SNX29: variants seen among roughly 807,000 people sequenced by gnomAD.
SNX29 encodes the protein sorting nexin-29.
A neutral mutation model predicts 102.1 loss-of-function variants in SNX29; 78 were observed. The ratio of observed to expected loss-of-function variants is 0.76; its 90% CI spans 0.64 to 0.92. The LOEUF (loss-of-function observed/expected upper bound fraction) is 0.92, where lower values mean the gene tolerates loss of function less well. SNX29 is among the 40% of genes least tolerant of loss of function. SNX29 has a pLI of 0.00. For synonymous variants in SNX29, 580 were observed against 414.5 expected, an observed-to-expected ratio of 1.40 and a Z score of -4.85; for missense variants, 1,280 against 1,061.7, an observed-to-expected ratio of 1.21 and a Z score of -2.86.
chr16:12,138,324 C>G (rs1317405028), intron 13 of SNX29, among the ~76,000 whole-genome samples: 1 of 151,226 alleles, frequency 6.6e-6, no homozygotes, highest in Non-Finnish European at 1.5e-5. Flanking sequence ...TCTCCTGCCT[C>G]AGCCTCCTGA....
At chr16:12,434,074 A>G (rs1567558743) in intron 18 of SNX29, among the ~76,000 whole-genome samples, 3 of 152,118 alleles carry the variant, frequency 2.0e-5, no homozygotes, top group South Asian at 2.1e-4. Flanking sequence ...TTGATGGGCA[A>G]GTTTACTGGG....
chr16:12,311,493 G>A (rs1024224894), intron 15 of SNX29, among the ~76,000 whole-genome samples: 5 of 152,204 alleles, frequency 3.3e-5, no homozygotes, highest in South Asian at 2.1e-4. Flanking sequence ...CATGCTGGCC[G>A]CCTCCCATTT....
At chr16:12,501,370 C>T (rs191648237) in intron 19 of SNX29, among the ~76,000 whole-genome samples, 7 of 152,128 alleles carry the variant, frequency 4.6e-5, no homozygotes, top group Admixed American at 2.0e-4. Context: ...CACCACTACA[C>T]TCCAGCCTGG....
rs971732569 is a variant in SNX29, at chr16:12,546,162, T to G, written c.2318+21321T>G. 2.6e-5 allele frequency: 4 copies of G among 152,098 alleles called. No individual in the cohort carries two copies. In the East Asian group the frequency reaches 7.7e-4, roughly 29 times the overall value. 9.4% of individuals were successfully genotyped at this position (152,098 alleles called of 1,614,324 possible). On this transcript the variant is annotated intron_variant, in intron 20 of 20. Transcript: ENST00000566228. The stretch of plus-strand genomic sequence containing the variant: ...AGCTAATAACCTCCACCTGGTAACA[T>G]AGGGATGGGCACTGGTGCAGGGAAT...
At chr16:12,002,132 T>C (rs2151022434) in intron 2 of SNX29, among the ~76,000 whole-genome samples, 1 of 152,192 alleles carries the variant, frequency 6.6e-6, no homozygotes, top group Admixed American at 6.6e-5. Context: ...GTTATCTATA[T>C]TTTAATTTTA....
At chr16:12,545,454 G>C (rs1358775198) in intron 20 of SNX29, 1 of 152,234 alleles carries the variant, frequency 6.6e-6, no homozygotes, top group African/African-American at 2.4e-5. Context: ...AGGGCTTGTG[G>C]ACGGATAGGA....
At chr16:12,311,369 C>A (rs2080539147) in intron 15 of SNX29, among the ~76,000 whole-genome samples, 1 of 152,194 alleles carries the variant, frequency 6.6e-6, no homozygotes, top group South Asian at 2.1e-4. Context: ...TATTTGCACC[C>A]CTGTCCAGGT....
chr16:12,318,196 C>T lies in SNX29; in HGVS notation c.1783-37967C>T, dbSNP rs145266838. 3.9e-5 allele frequency among the ~76,000 whole-genome samples: 6 copies of T among 152,336 alleles called. No individual in the cohort carries two copies. The East Asian group carries it at 1.2e-3, about 29-fold the overall frequency. ...CCAGGATTGAAATTCACATCTTGCT[C>T]CGAGCTCATGCACACCTGGGAGCCT... On this transcript the variant is annotated intron_variant, in intron 15 of 20. Coordinates refer to ENST00000566228, the MANE Select transcript of SNX29 (RefSeq NM_032167.5).
intron 13 of SNX29, among the ~76,000 whole-genome samples, chr16:12,153,968 C>T (rs1344595766): frequency 6.6e-6 from 1 of 152,174 alleles, no homozygotes; most frequent in African/African-American, 2.4e-5. Context: ...ACGGTGTCCT[C>T]CCGCTTTGAA....
intron 18 of SNX29, among the ~76,000 whole-genome samples, chr16:12,449,383 G>C (rs187989883): frequency 6.6e-6 from 1 of 152,088 alleles, no homozygotes; most frequent in East Asian, 1.9e-4. Flanking sequence ...CAAGGACAGG[G>C]ATCATGGCAT....
chr16:11,988,839 A>T (rs2055733566), intron 1 of SNX29, among the ~76,000 whole-genome samples: 1 of 152,136 alleles, frequency 6.6e-6, no homozygotes, highest in Non-Finnish European at 1.5e-5. Context: ...TTTCTATTCA[A>T]TTACTGTTAT....
intron 19 of SNX29, among the ~76,000 whole-genome samples, chr16:12,479,816 G>A (rs1009234686): frequency 2.6e-5 from 4 of 152,074 alleles, no homozygotes; most frequent in Non-Finnish European, 5.9e-5. Context: ...GCTTCTTCAC[G>A]GAATCTGCCT....
At chr16:12,357,053 C>T (rs1455813427) in intron 16 of SNX29, among the ~76,000 whole-genome samples, 1 of 152,214 alleles carries the variant, frequency 6.6e-6, no homozygotes, top group Non-Finnish European at 1.5e-5. Context: ...AGGATGTCTC[C>T]AGTATTTTGC....
chr16:12,551,872 C>T (rs1020242671), intron 20 of SNX29, among the ~76,000 whole-genome samples: 1 of 152,194 alleles, frequency 6.6e-6, no homozygotes, highest in Non-Finnish European at 1.5e-5. Flanking sequence ...GGTGATATTT[C>T]TAGCCTGTCT....
chr16:12,285,038 T>G (rs1017611343), intron 15 of SNX29, among the ~76,000 whole-genome samples: 4 of 152,258 alleles, frequency 2.6e-5, no homozygotes, highest in Admixed American at 1.3e-4. Flanking sequence ...CCTCAGTTAC[T>G]TTTCTGAGCC....
chr16:12,506,762 C>G (rs75091361), intron 19 of SNX29, among the ~76,000 whole-genome samples: 1,939 of 152,300 alleles, frequency 0.013, 39 homozygotes, highest in East Asian at 0.076. Context: ...AAGAAGACAG[C>G]TGAGGAGGTG....
At chr16:12,469,515 C>T (rs1458361458) in intron 18 of SNX29, among the ~76,000 whole-genome samples, 1 of 152,144 alleles carries the variant, frequency 6.6e-6, no homozygotes, top group Non-Finnish European at 1.5e-5. Flanking sequence ...ATCTGATTCT[C>T]TCTGCATTCA....
At chr16:12,147,073 A>T (rs2055094337) in intron 13 of SNX29, among the ~76,000 whole-genome samples, 1 of 152,236 alleles carries the variant, frequency 6.6e-6, no homozygotes. Context: ...TTTGTTGACG[A>T]ACTCAACTTT....
chr16:12,468,220 G>A (rs1171296889), intron 18 of SNX29, among the ~76,000 whole-genome samples: 1 of 129,372 alleles, frequency 7.7e-6, no homozygotes, highest in Non-Finnish European at 1.6e-5. Context: ...TGTTTCCCAG[G>A]CTGGAGTGCA....
Sources: gnomAD v4.1 joint callset for allele counts (sites outside exome capture counted in the v4.1 genomes callset) on GRCh38, gnomAD v4.1.1 for gene constraint, MANE v1.5 for transcripts, NCBI Gene and HGNC (gene_info 2026-07-23, HGNC 2026-07-21) for gene names.